KCNAB1: variants seen among roughly 807,000 people sequenced by gnomAD.
The protein encoded by KCNAB1 is voltage-gated potassium channel subunit beta-1.
Under a neutral mutation model 64.6 loss-of-function variants are expected in KCNAB1, and 35 were observed. The observed-to-expected ratio is 0.54, with a 90% CI of 0.41 to 0.72. The LOEUF is 0.72. KCNAB1 is among the 30% of genes least tolerant of loss of function. The pLI is 0.00. For synonymous variants in KCNAB1, 177 were observed against 183.8 expected (o/e 0.96, Z 0.30); for missense variants, 401 against 512.9 (o/e 0.78, Z 2.11).
intron 7 of KCNAB1, among the ~76,000 whole-genome samples, chr3:156,473,360 C>A (rs1364422464): frequency 1.3e-5 from 2 of 152,128 alleles, no homozygotes; most frequent in African/African-American, 4.8e-5. Context: ...CCTTGTGATA[C>A]CCTGTTATTT....
chr3:156,401,988 T>C (rs1381707891), intron 1 of KCNAB1, among the ~76,000 whole-genome samples: 1 of 151,890 alleles, frequency 6.6e-6, no homozygotes, highest in Non-Finnish European at 1.5e-5. Flanking sequence ...CATTTCACAC[T>C]GGGTCCTGTC....
At chr3:156,175,392 G>T (rs183685414) in intron 1 of KCNAB1, among the ~76,000 whole-genome samples, 5 of 152,262 alleles carry the variant, frequency 3.3e-5, no homozygotes, top group Admixed American at 2.6e-4. Context: ...AGGCCGAGGC[G>T]GGTGGATCAC....
chr3:156,270,023 C>G (rs1357275427), intron 1 of KCNAB1, among the ~76,000 whole-genome samples: 1 of 150,362 alleles, frequency 6.7e-6, no homozygotes, highest in Non-Finnish European at 1.5e-5. Flanking sequence ...TCGCGCCATT[C>G]TCCTGCCTCA....
intron 1 of KCNAB1, among the ~76,000 whole-genome samples, chr3:156,390,332 A>G (rs886589262): frequency 1.3e-5 from 2 of 152,210 alleles, no homozygotes; most frequent in African/African-American, 2.4e-5. Flanking sequence ...TGGTAGTCTA[A>G]GCATTCCTTG....
chr3:156,425,911 G>C (rs1344036559), intron 2 of KCNAB1, among the ~76,000 whole-genome samples: 1 of 152,178 alleles, frequency 6.6e-6, no homozygotes, highest in Non-Finnish European at 1.5e-5. Context: ...CACTTGAAGA[G>C]AGAAGTCAAG....
chr3:156,252,322 G>C (rs923418408), intron 1 of KCNAB1, among the ~76,000 whole-genome samples: 2 of 152,136 alleles, frequency 1.3e-5, no homozygotes, highest in African/African-American at 2.4e-5. Context: ...ATCTCTTATT[G>C]CTATTTTTCC....
chr3:156,503,528 G>A (rs1017387119), intron 8 of KCNAB1, among the ~76,000 whole-genome samples: 60 of 152,200 alleles, frequency 3.9e-4, no homozygotes, highest in African/African-American at 1.4e-3. Context: ...AGTGAGCAGA[G>A]TTCCCAGGAC....
At chr3:156,336,158 G>A (rs1331440810) in intron 1 of KCNAB1, among the ~76,000 whole-genome samples, 2 of 152,082 alleles carry the variant, frequency 1.3e-5, no homozygotes, top group African/African-American at 2.4e-5. Context: ...TCAGAAGTTC[G>A]AAACCAGCCT....
intron 1 of KCNAB1, among the ~76,000 whole-genome samples, chr3:156,398,558 A>G (rs1273757429): frequency 7.0e-6 from 1 of 143,124 alleles, no homozygotes; most frequent in East Asian, 2.0e-4. Flanking sequence ...ACGCCACTGC[A>G]CTCCAACCTG....
chr3:156,331,918 T>C (rs780379895), intron 1 of KCNAB1, among the ~76,000 whole-genome samples: 2 of 151,968 alleles, frequency 1.3e-5, no homozygotes, highest in Non-Finnish European at 2.9e-5. Context: ...AAGAAAGGGG[T>C]TGTATACCTA....
intron 1 of KCNAB1, among the ~76,000 whole-genome samples, chr3:156,283,725 A>G (rs1719893985): frequency 6.6e-6 from 1 of 151,488 alleles, no homozygotes; most frequent in African/African-American, 2.4e-5. Flanking sequence ...TTCATCTTCT[A>G]TCGCTGATAC....
chr3:156,270,072 C>T (rs764429086), intron 1 of KCNAB1, among the ~76,000 whole-genome samples: 2 of 151,988 alleles, frequency 1.3e-5, no homozygotes, highest in African/African-American at 4.8e-5. Flanking sequence ...CCTGCCACTA[C>T]GCCCAGCTAA....
chr3:156,258,311 G>C (rs776474132), intron 1 of KCNAB1, among the ~76,000 whole-genome samples: 2 of 152,204 alleles, frequency 1.3e-5, no homozygotes, highest in Non-Finnish European at 2.9e-5. Context: ...AACAGACTGG[G>C]TCATTTTAGC....
chr3:156,460,685 A>G (rs986323294), intron 5 of KCNAB1: 3 of 152,272 alleles, frequency 2.0e-5, no homozygotes, highest in African/African-American at 7.2e-5. Context: ...ATATTAGTGA[A>G]GACAACTGTG....
chr3:156,409,163 A>G (rs1000795740), intron 1 of KCNAB1, among the ~76,000 whole-genome samples: 1 of 152,234 alleles, frequency 6.6e-6, no homozygotes, highest in Non-Finnish European at 1.5e-5. Context: ...AAGAATTCTC[A>G]GAGCACCAGC....
chr3:156,258,450 A>G (rs148717557), intron 1 of KCNAB1, among the ~76,000 whole-genome samples: 1 of 152,314 alleles, frequency 6.6e-6, no homozygotes, highest in East Asian at 1.9e-4. Flanking sequence ...TTTCAGGGAC[A>G]GCTTACTAAA....
upstream of KCNAB1, among the ~76,000 whole-genome samples, chr3:156,120,224 A>G (rs1713253006): frequency 6.6e-6 from 1 of 152,228 alleles, no homozygotes; most frequent in Admixed American, 6.5e-5. Context: ...GAAATCTTTT[A>G]TAACTCTAAC....
chr3:156,356,539 TG>T (rs1725259456), intron 1 of KCNAB1, among the ~76,000 whole-genome samples: 1 of 152,236 alleles, frequency 6.6e-6, no homozygotes, highest in South Asian at 2.1e-4. Flanking sequence ...CCACGTGCTC[TG>T]ATTTTTTCCT....
At position 156,151,961 on chromosome 3, in the gene KCNAB1, GAA is replaced by G. The variant is rs530232359; in HGVS notation, c.275+31077_275+31078del. ...TTTTAGTATAGGAAGGAGGTCAAAG[GAA>G]AGACTATGACTAATTGCAAGTCCGC... On this transcript the variant is annotated intron_variant, in intron 1 of 13. Transcript: ENST00000490337. Among the ~76,000 whole-genome samples, 54 of 152,264 alleles carry G rather than the reference GAA, an allele frequency of 3.5e-4. 1 individual carries two copies. In the South Asian group the frequency reaches 1.0e-2, roughly 28 times the overall value.
Sources: allele counts gnomAD v4.1 joint callset (sites outside exome capture counted in the v4.1 genomes callset), GRCh38; gene constraint gnomAD v4.1.1; transcripts MANE v1.5; gene names NCBI Gene and HGNC (gene_info 2026-07-23, HGNC 2026-07-21).